PRPF39: variants seen among roughly 807,000 people sequenced by gnomAD.
PRPF39 encodes pre-mRNA processing factor 39, also known as pre-mRNA-processing factor 39.
Under a neutral mutation model 82.1 loss-of-function variants are expected in PRPF39, and 27 were observed. The observed-to-expected ratio is 0.33, with a 90% confidence interval of 0.24 to 0.45. The LOEUF is 0.45. PRPF39 is among the 20% of genes least tolerant of loss of function. The pLI is 1.00. For synonymous variants in PRPF39, 261 were observed against 256.4 expected, an observed-to-expected ratio of 1.02 and a Z score of -0.17; for missense variants, 581 against 796.9, an observed-to-expected ratio of 0.73 and a Z score of 3.26.
intron 5 of PRPF39, among the ~76,000 whole-genome samples, chr14:45,105,670 G>A (rs1884507032): frequency 1.3e-5 from 2 of 151,708 alleles, no homozygotes; most frequent in Non-Finnish European, 2.9e-5. Flanking sequence ...GGGATTACAG[G>A]TGCCCGCCCC....
At chr14:45,088,057 T>C (rs537158930) in intron 1 of PRPF39, among the ~76,000 whole-genome samples, 3 of 152,286 alleles carry the variant, frequency 2.0e-5, no homozygotes, top group African/African-American at 7.2e-5. Context: ...CCCTGTGTAT[T>C]GGTAGATATG....
chr14:45,090,533 G>GTCAAGGAGA (rs1373485172), intron 1 of PRPF39, among the ~76,000 whole-genome samples: 1 of 152,108 alleles, frequency 6.6e-6, no homozygotes, highest in Non-Finnish European at 1.5e-5. Flanking sequence ...CTTGTCTGCT[G>GTCAAGGAGA]TCAAGGAGAG....
intron 3 of PRPF39, chr14:45,096,579 A>G: frequency 1.4e-6 from 2 of 1,442,636 alleles, no homozygotes; most frequent in South Asian, 1.2e-5. Context: ...GCTACGTCTT[A>G]TTGCATTTTT....
At chr14:45,105,043 CTT>C (rs1450134365) in intron 5 of PRPF39, among the ~76,000 whole-genome samples, 1 of 152,148 alleles carries the variant, frequency 6.6e-6, no homozygotes, top group African/African-American at 2.4e-5. Context: ...ATTTATGTCT[CTT>C]ATATCCTCAA....
chr14:45,104,431 G>GA (rs1555355516), intron 5 of PRPF39, among the ~76,000 whole-genome samples: 1 of 146,278 alleles, frequency 6.8e-6, no homozygotes, highest in Admixed American at 6.8e-5. Context: ...TGAATGTTTT[G>GA]TTTTTTTTTT....
intron 11 of PRPF39, among the ~76,000 whole-genome samples, chr14:45,113,196 G>A (rs1884742846): frequency 1.3e-5 from 2 of 152,178 alleles, no homozygotes; most frequent in African/African-American, 4.8e-5. Flanking sequence ...TTGTGTCTGG[G>A]TGTTTGTATA....
chr14:45,096,853 A>C (rs1884215524), intron 3 of PRPF39, 34 bp from the exon 4 acceptor site: 1 of 1,536,104 alleles, frequency 6.5e-7, no homozygotes, highest in African/African-American at 1.4e-5. Context: ...AAATAATTAA[A>C]TATTTGAAGT....
At chr14:45,089,708 T>C (rs1323380544) in intron 1 of PRPF39, among the ~76,000 whole-genome samples, 1 of 152,176 alleles carries the variant, frequency 6.6e-6, no homozygotes, top group Non-Finnish European at 1.5e-5. Context: ...GCCTGGCCCG[T>C]TTTATTTCTT....
Position 45,112,499 on chromosome 14 carries a change from A to G in PRPF39, c.1754A>G (p.Asn585Ser). The G allele has an allele frequency of 6.7e-7, 1 of 1,498,936 alleles. No individual in the cohort carries two copies. 92.9% of individuals were successfully genotyped at this position (1,498,936 alleles called of 1,614,324 possible). The part of the protein sequence containing the change: ...EFLEDFGSDV[N>S]KLLNAYDEHQ... ...CTTGAAGATTTTGGTTCCGATGTTAATAAGTAAGATATTAGTTATATTACC... is the reference window on the plus strand; with the variant it reads ...CTTGAAGATTTTGGTTCCGATGTTAGTAAGTAAGATATTAGTTATATTACC... The change falls in exon 11 of 14, where the codon AAT (asparagine) becomes AGT (serine). Residue 585 changes from asparagine to serine, a missense_variant. By Grantham distance (46) the Asn-to-Ser change is conservative (BLOSUM62 1). Transcript: ENST00000355765.
chr14:45,098,744 C>A (rs1052928670), intron 4 of PRPF39, among the ~76,000 whole-genome samples: 2 of 152,154 alleles, frequency 1.3e-5, no homozygotes, highest in African/African-American at 2.4e-5. Context: ...GACTGGTCTT[C>A]TAGTTCTGCT....
chr14:45,107,882 T>G (rs1037052009), intron 6 of PRPF39, among the ~76,000 whole-genome samples: 2 of 151,228 alleles, frequency 1.3e-5, no homozygotes, highest in African/African-American at 4.9e-5. Flanking sequence ...TGAGCTAAGA[T>G]GGCACCACTG....
At position 45,110,021 on chromosome 14, in the gene PRPF39, T is replaced by C; in HGVS notation, c.1177-73T>C. 1 of 1,599,572 alleles carries C rather than the reference T, an allele frequency of 6.3e-7. No homozygotes were observed. The highest frequency in any genetic ancestry group is 8.5e-7 in the Non-Finnish European group (1 of 1,171,502). ...GCTGAATGGGTTTAAAAATAGAATT[T>C]TATCGTTCTGTCACAAATTTAATGG... is the stretch of plus-strand genomic sequence containing the variant. On this transcript the variant is annotated intron_variant, in intron 8 of 13. Transcript: ENST00000355765. This position sits in a 1 kb window ranked among gnomAD's most constrained non-coding sequence, Gnocchi z 4.0.
In PRPF39 at chr14:45,110,313, G is replaced by T; in HGVS notation, c.1303+93G>T. 6.7e-7 allele frequency: 1 copy of T among 1,500,024 alleles called. No individual in the cohort carries two copies. The highest frequency in any genetic ancestry group is 9.0e-7 in the Non-Finnish European group (1 of 1,111,452). 92.9% of individuals were successfully genotyped at this position (1,500,024 alleles called of 1,614,324 possible). A position where few individuals can be genotyped will look rare whatever the true frequency, so the allele number is the denominator to read the frequency against. On this transcript the variant is annotated intron_variant, in intron 9 of 13. Coordinates refer to ENST00000355765, the MANE Select transcript of PRPF39 (RefSeq NM_017922.4). This position sits in a 1 kb window ranked among gnomAD's most constrained non-coding sequence, Gnocchi z 4.0. ...GAGTGGTAAGGGATGGTGTAAAGCAGAGTTTGGCAAACTTTTTCTCTAAAG... is the reference window on the plus strand; with the variant it reads ...GAGTGGTAAGGGATGGTGTAAAGCATAGTTTGGCAAACTTTTTCTCTAAAG...
rs1449463368 is a variant in PRPF39, at chr14:45,115,514, G to C, written c.*601G>C. 1 of 152,484 alleles carries C rather than the reference G, an allele frequency of 6.6e-6. No individual in the cohort carries two copies. Among genetic ancestry groups the C allele is most frequent in the Non-Finnish European group, 1.5e-5 (1 of 67,988 alleles). 9.4% of individuals were successfully genotyped at this position (152,484 alleles called of 1,614,324 possible). On this transcript the variant is annotated 3_prime_UTR_variant, in exon 14 of 14. Coordinates refer to ENST00000355765, the MANE Select transcript of PRPF39 (RefSeq NM_017922.4). The stretch of plus-strand genomic sequence containing the variant: ...GTTGTTTCAGGAGACTTTGTATTTA[G>C]AATATTCATGTAAAACTTGTGAACA...
chr14:45,101,530 A>G (rs1179096589), intron 4 of PRPF39, among the ~76,000 whole-genome samples: 2 of 150,928 alleles, frequency 1.3e-5, no homozygotes, highest in African/African-American at 2.4e-5. Context: ...GAGTGGTGCA[A>G]TTTCAGCTCA....
chr14:45,096,829 G>A lies in PRPF39; in HGVS notation c.451-58G>A. On this transcript the variant is annotated intron_variant, in intron 3 of 13. Coordinates refer to ENST00000355765, the MANE Select transcript of PRPF39 (RefSeq NM_017922.4). ...AAGGTTCACCGGATAACACAGTGTT[G>A]CCTCTCTGTTAAGAAATAATTAAAT... 2.0e-6 allele frequency: 3 copies of A among 1,534,614 alleles called. No individual in the cohort carries two copies. In the South Asian group the frequency reaches 3.7e-5, roughly 19 times the overall value.
chr14:45,093,774 C>T (rs576374332), intron 1 of PRPF39, among the ~76,000 whole-genome samples: 3 of 148,376 alleles, frequency 2.0e-5, no homozygotes, highest in East Asian at 2.1e-4. Flanking sequence ...AGGCTGGTCT[C>T]GAACTCCCAA....
chr14:45,095,592 G>A (rs1466359532), intron 2 of PRPF39, 29 bp downstream of exon 2: 1 of 1,519,496 alleles, frequency 6.6e-7, no homozygotes, highest in Admixed American at 2.3e-5. Context: ...GGTATCAGAA[G>A]GGACAAATTA....
intron 1 of PRPF39, among the ~76,000 whole-genome samples, chr14:45,093,176 C>G (rs953258858): frequency 6.6e-6 from 1 of 151,906 alleles, no homozygotes; most frequent in Non-Finnish European, 1.5e-5. Flanking sequence ...TGTATCAATA[C>G]AGATGTACAT....
Sources: gnomAD v4.1 joint callset for allele counts (sites outside exome capture counted in the v4.1 genomes callset) on GRCh38, gnomAD v4.1.1 for gene constraint, Gnocchi (gnomAD v3.1) non-coding constraint, MANE v1.5 for transcripts, NCBI Gene and HGNC (gene_info 2026-07-23, HGNC 2026-07-21) for gene names.